The following SRGAP2 variants were observed in gnomAD, a reference collection of about 807,000 sequenced individuals.
SRGAP2 encodes SLIT-ROBO Rho GTPase activating protein 2.
In SRGAP2, 15 loss-of-function variants were observed where a neutral mutation model predicts 57.2. The ratio of observed to expected loss-of-function variants is 0.26; its 90% confidence interval spans 0.18 to 0.40. The LOEUF is 0.40. Among genes scored for constraint, SRGAP2 ranks in the 10% least tolerant of loss-of-function variants. The pLI, the probability that SRGAP2 is intolerant of heterozygous loss-of-function variation, is 1.00. For missense variants in SRGAP2, 520 were observed against 669.6 expected (o/e 0.78, Z 2.47); for synonymous variants, 249 against 248.0 (o/e 1.00, Z -0.04).
At chr1:206,398,104 T>C (rs1657790290) in intron 7 of SRGAP2, among the ~76,000 whole-genome samples, 1 of 142,954 alleles carries the variant, frequency 7.0e-6, no homozygotes, top group Non-Finnish European at 1.5e-5. Context: ...TCATCAAACA[T>C]TTATATAACC....
At chr1:206,372,903 C>CT (rs1212774419) in intron 4 of SRGAP2, among the ~76,000 whole-genome samples, 3 of 4,208 alleles carry the variant, frequency 7.1e-4, no homozygotes, top group Non-Finnish European at 1.1e-3. Context: ...TCTCTCCTTT[C>CT]TTTCTTTCTT....
At chr1:206,444,990 G>C (rs1180245614) in intron 17 of SRGAP2, among the ~76,000 whole-genome samples, 1 of 152,224 alleles carries the variant, frequency 6.6e-6, no homozygotes, top group Non-Finnish European at 1.5e-5. Context: ...AATGGGCTTT[G>C]TAATGTGAGG....
intron 7 of SRGAP2, among the ~76,000 whole-genome samples, chr1:206,394,188 AGGC>A (rs1176106284): frequency 1.4e-5 from 2 of 145,830 alleles, no homozygotes; most frequent in African/African-American, 5.1e-5. Context: ...CTGGGACTAC[AGGC>A]ATGCATCACC....
intron 18 of SRGAP2, among the ~76,000 whole-genome samples, chr1:206,447,315 TAGGGGAGGAC>T (rs1197070707): frequency 6.6e-6 from 1 of 152,154 alleles, no homozygotes; most frequent in African/African-American, 2.4e-5. Flanking sequence ...TCGACTGAGG[TAGGGGAGGAC>T]AGGGGAGGTT....
chr1:206,284,627 T>G (rs1174474443), intron 2 of SRGAP2, among the ~76,000 whole-genome samples: 2 of 151,768 alleles, frequency 1.3e-5, no homozygotes. Flanking sequence ...TTTGTATTGT[T>G]TTGTAGAGAT....
intron 3 of SRGAP2, among the ~76,000 whole-genome samples, chr1:206,329,749 A>C (rs1179263042): frequency 6.9e-6 from 1 of 144,826 alleles, no homozygotes; most frequent in East Asian, 2.1e-4. Flanking sequence ...TGTCATCTGC[A>C]AACAGGGACA....
chr1:206,402,325 AC>A (rs1558393659), intron 8 of SRGAP2, among the ~76,000 whole-genome samples: 1 of 151,590 alleles, frequency 6.6e-6, no homozygotes, highest in Non-Finnish European at 1.5e-5. Context: ...CTTGTTTTGG[AC>A]TCTTAGCCTC....
At chr1:206,443,451 G>A (rs1262836033) in intron 17 of SRGAP2, among the ~76,000 whole-genome samples, 2 of 151,960 alleles carry the variant, frequency 1.3e-5, no homozygotes, top group African/African-American at 2.4e-5. Flanking sequence ...CTCTGCTTAC[G>A]GCAACCTCTG....
chr1:206,381,191 T>C (rs1219703997), intron 4 of SRGAP2, among the ~76,000 whole-genome samples: 1 of 152,220 alleles, frequency 6.6e-6, no homozygotes, highest in African/African-American at 2.4e-5. Context: ...CTGTTGTTTT[T>C]GGTTACACTT....
chr1:206,241,905 T>A (rs4844896), intron 2 of SRGAP2, among the ~76,000 whole-genome samples: 62,725 of 131,808 alleles, frequency 0.48, 15,190 homozygotes, highest in East Asian at 0.72. Flanking sequence ...TGCTGGGAGG[T>A]GTTTGCGTGT....
intron 14 of SRGAP2, among the ~76,000 whole-genome samples, chr1:206,432,552 A>G (rs1661366736): frequency 6.6e-6 from 1 of 152,232 alleles, no homozygotes. Context: ...GAGTGGTTGA[A>G]GAAACTATGG....
At position 206,317,740 on chromosome 1, in the gene SRGAP2, G is replaced by GA. The variant is rs1460201352; in HGVS notation, c.260+14276dup. On this transcript the variant is annotated intron_variant, in intron 3 of 22. Transcript: ENST00000573034. ...TGTTAACGAAAGATTTAGAGAGAAT[G>GA]AAAAAAAAAGTAGGATTTGGGTTTT... Among the ~76,000 whole-genome samples, 7 of 136,590 alleles carry GA rather than the reference G, an allele frequency of 5.1e-5. No individual in the cohort carries two copies. The South Asian group carries it at 1.1e-3, about 21-fold the overall frequency. The allele number at this position is 136,590 out of a possible 152,430, so 89.6% of individuals were successfully genotyped here. A position where few individuals can be genotyped will look rare whatever the true frequency, so the allele number is the denominator to read the frequency against.
At chr1:206,424,238 C>T (rs1050597820) in intron 13 of SRGAP2, among the ~76,000 whole-genome samples, 2 of 152,048 alleles carry the variant, frequency 1.3e-5, no homozygotes, top group East Asian at 3.9e-4. Flanking sequence ...TTAAAGGCCC[C>T]TTCTAACCCT....
chr1:206,421,146 A>T, intron 12 of SRGAP2, 104 bp from the exon 13 acceptor site: 1 of 591,656 alleles, frequency 1.7e-6, no homozygotes, highest in South Asian at 2.1e-5. Context: ...TAAAAACTTT[A>T]CTTCTGGGTT....
intron 4 of SRGAP2, among the ~76,000 whole-genome samples, chr1:206,357,632 G>A (rs1676546209): frequency 1.5e-5 from 2 of 131,098 alleles, no homozygotes; most frequent in Non-Finnish European, 3.1e-5. Context: ...TTTTCAGGCT[G>A]AAGTACAGTG....
chr1:206,298,971 T>G (rs1671733695), intron 2 of SRGAP2, among the ~76,000 whole-genome samples: 1 of 152,190 alleles, frequency 6.6e-6, no homozygotes, highest in Non-Finnish European at 1.5e-5. Flanking sequence ...AGACAGGGCT[T>G]AGACCTGTCT....
chr1:206,245,184 G>A lies in SRGAP2; in HGVS notation c.67+39147G>A, dbSNP rs1167629917. Among the ~76,000 whole-genome samples, 91 of 138,562 alleles carry A rather than the reference G, an allele frequency of 6.6e-4. 2 individuals carry two copies. The highest frequency in any genetic ancestry group is 3.5e-3 in the Middle Eastern group (1 of 286). 90.9% of individuals were successfully genotyped at this position (138,562 alleles called of 152,430 possible). On this transcript the variant is annotated intron_variant, in intron 2 of 22. Transcript: ENST00000573034. ...GAGCCAGGCCCTGGAGACCTGGCTT[G>A]GAAAAGAATGAAGTTTTCCTACTAG...
At position 206,352,505 on chromosome 1, in the gene SRGAP2, TACA is replaced by T. The variant is rs1553338391; in HGVS notation, c.423+9499_423+9501del. On this transcript the variant is annotated intron_variant, in intron 4 of 22. Transcript: ENST00000573034. ...TAAAGTGTACAGCTCAATGAATTTTTACAAACTGAATACAGCTATGTAATCAGC... is the reference window on the plus strand; with the variant it reads ...TAAAGTGTACAGCTCAATGAATTTTTAACTGAATACAGCTATGTAATCAGC... 3.9e-5 allele frequency among the ~76,000 whole-genome samples: 3 copies of T among 77,774 alleles called. No individual in the cohort carries two copies. In the South Asian group the frequency reaches 1.5e-3, roughly 38 times the overall value. 51.0% of individuals were successfully genotyped at this position (77,774 alleles called of 152,430 possible). A position where few individuals can be genotyped will look rare whatever the true frequency, so the allele number is the denominator to read the frequency against.
At chr1:206,357,611 G>T (rs1676543176) in intron 4 of SRGAP2, among the ~76,000 whole-genome samples, 7 of 124,416 alleles carry the variant, frequency 5.6e-5, no homozygotes, top group East Asian at 4.8e-4. Context: ...TTTTGGAGAT[G>T]GAGTTTCTTT....
Sources: allele counts gnomAD v4.1 joint callset (sites outside exome capture counted in the v4.1 genomes callset), GRCh38; gene constraint gnomAD v4.1.1; transcripts MANE v1.5; gene names NCBI Gene and HGNC (gene_info 2026-07-23, HGNC 2026-07-21).